The following ASAP1 variants were observed in gnomAD, a reference collection of about 807,000 sequenced individuals.
ASAP1 encodes the protein ArfGAP with SH3 domain, ankyrin repeat and PH domain 1.
Under a neutral mutation model 145.2 loss-of-function variants are expected in ASAP1, and 43 were observed. The ratio of observed to expected loss-of-function variants is 0.30; its 90% CI spans 0.23 to 0.38. The LOEUF (loss-of-function observed/expected upper bound fraction) is 0.38. ASAP1 is among the 10% of genes least tolerant of loss of function. The pLI is 1.00. For synonymous variants in ASAP1, 546 were observed against 515.5 expected (o/e 1.06, Z -0.80); for missense variants, 1,018 against 1,355.3 (o/e 0.75, Z 3.91).
intron 3 of ASAP1, among the ~76,000 whole-genome samples, chr8:130,264,749 G>C (rs1326367200): frequency 6.6e-6 from 1 of 152,104 alleles, no homozygotes; most frequent in Admixed American, 6.5e-5. Flanking sequence ...TTCCCTTCTA[G>C]AAACATGCCG....
chr8:130,343,205 T>C (rs1264174326), intron 3 of ASAP1, among the ~76,000 whole-genome samples: 1 of 152,102 alleles, frequency 6.6e-6, no homozygotes, highest in Admixed American at 6.6e-5. Flanking sequence ...TTAACAAACT[T>C]ATTTCCATGG....
In ASAP1 at chr8:130,423,200, T is replaced by C. The variant is rs1000436000; in HGVS notation, c.-28+20260A>G. On this transcript the variant is annotated intron_variant, in intron 1 of 29. Transcript: ENST00000518721. The stretch of plus-strand genomic sequence containing the variant: ...CTCACTGCAACCTCCAGCTCCCAGG[T>C]TCAAGCGATTCTCCTGCATCAGCCA... Among the ~76,000 whole-genome samples, 9 of 152,078 alleles carry C rather than the reference T, an allele frequency of 5.9e-5. 1 individual carries two copies. The highest frequency in any genetic ancestry group is 4.6e-4 in the Admixed American group (7 of 15,266).
chr8:130,123,320 C>T (rs2097569569), intron 18 of ASAP1, among the ~76,000 whole-genome samples: 1 of 152,176 alleles, frequency 6.6e-6, no homozygotes, highest in African/African-American at 2.4e-5. Context: ...TCAGTTTCCC[C>T]ACAGTCTTGC....
At chr8:130,388,059 T>C (rs1025814521) in intron 2 of ASAP1, among the ~76,000 whole-genome samples, 3 of 152,152 alleles carry the variant, frequency 2.0e-5, no homozygotes, top group Non-Finnish European at 2.9e-5. Flanking sequence ...TCTGAGGACA[T>C]AGCATTTAAG....
chr8:130,116,798 A>G, intron 21 of ASAP1, 53 bp from the exon 22 acceptor site: 1 of 1,593,576 alleles, frequency 6.3e-7, no homozygotes, highest in South Asian at 1.1e-5. Flanking sequence ...CACCTTAAGA[A>G]GGCAAGGAAC....
At chr8:130,117,556 A>G (rs1198119130) in intron 20 of ASAP1, among the ~76,000 whole-genome samples, 3 of 152,212 alleles carry the variant, frequency 2.0e-5, no homozygotes, top group African/African-American at 7.2e-5. Flanking sequence ...CCTCCTCATC[A>G]TCTGTTGCTT....
intron 27 of ASAP1, 82 bp from the exon 28 acceptor site, chr8:130,061,151 C>A: frequency 6.7e-7 from 1 of 1,496,098 alleles, no homozygotes. Context: ...GCACCATCAT[C>A]ATGAAGGGAA....
chr8:130,205,399 A>C (rs1257312599), intron 5 of ASAP1, among the ~76,000 whole-genome samples: 3 of 151,564 alleles, frequency 2.0e-5, no homozygotes, highest in South Asian at 2.1e-4. Context: ...AAAAAAAAAA[A>C]ACAAAAACCA....
At chr8:130,441,444 C>T (rs755406748) in intron 1 of ASAP1, among the ~76,000 whole-genome samples, 8 of 152,210 alleles carry the variant, frequency 5.3e-5, no homozygotes, top group Admixed American at 1.3e-4. Flanking sequence ...ATGCCAGATA[C>T]AGCAGTGGTT....
intron 3 of ASAP1, among the ~76,000 whole-genome samples, chr8:130,258,840 T>G (rs1819724022): frequency 6.6e-6 from 1 of 152,204 alleles, no homozygotes; most frequent in African/African-American, 2.4e-5. Flanking sequence ...GTTGACTGAT[T>G]TGCTGATTTC....
In ASAP1 at chr8:130,401,988, C is replaced by T. The variant is rs373645293; in HGVS notation, c.-27-18G>A. On this transcript the variant is annotated intron_variant, in intron 1 of 29. Transcript: ENST00000518721. Reference sequence around the variant, plus strand: ...AAAACGACCTGGATAGGGGGCAGGACAAAAAGGGGACAAGAGTCATCCGGT... The same window carrying T: ...AAAACGACCTGGATAGGGGGCAGGATAAAAAGGGGACAAGAGTCATCCGGT... 52 of 1,545,462 alleles carry T rather than the reference C, an allele frequency of 3.4e-5. No homozygotes were observed. The African/African-American group carries it at 5.8e-4, about 17-fold the overall frequency.
At chr8:130,276,757 CTCT>C (rs1478292722) in intron 3 of ASAP1, among the ~76,000 whole-genome samples, 62 of 150,720 alleles carry the variant, frequency 4.1e-4, no homozygotes, top group Non-Finnish European at 5.0e-4. Context: ...CTCTCTCTCT[CTCT>C]CCTCTAACAA....
chr8:130,071,007 GGGGGGAGA>G (rs2097444731), intron 27 of ASAP1, among the ~76,000 whole-genome samples: 2 of 4,618 alleles, frequency 4.3e-4, no homozygotes, highest in African/African-American at 4.5e-3. Context: ...GAGAGGGGAG[GGGGGGAGA>G]GAGAGAGAGA....
intron 3 of ASAP1, among the ~76,000 whole-genome samples, chr8:130,261,064 A>G (rs1437340480): frequency 6.6e-6 from 1 of 152,162 alleles, no homozygotes; most frequent in East Asian, 1.9e-4. Context: ...GAGGTCAATT[A>G]CTAGTCACAG....
chr8:130,185,618 A>G (rs934178255), intron 7 of ASAP1, among the ~76,000 whole-genome samples: 1 of 151,456 alleles, frequency 6.6e-6, no homozygotes, highest in African/African-American at 2.4e-5. Context: ...AATCCCAATT[A>G]CTCGGGAGGC....
chr8:130,381,236 G>A lies in ASAP1; in HGVS notation c.59+20649C>T, dbSNP rs571820697. Among the ~76,000 whole-genome samples the A allele has an allele frequency of 7.9e-5, 12 of 152,150 alleles. No individual in the cohort carries two copies. In the East Asian group the frequency reaches 1.4e-3, roughly 17 times the overall value. Reference sequence around the variant, plus strand: ...TAGAGAGGAGGTCTCACTGTGTTGCGCAGGTTGGTCTTAAACTCCTGGTCT... The same window carrying A: ...TAGAGAGGAGGTCTCACTGTGTTGCACAGGTTGGTCTTAAACTCCTGGTCT... On this transcript the variant is annotated intron_variant, in intron 2 of 29. Transcript: ENST00000518721.
intron 15 of ASAP1, among the ~76,000 whole-genome samples, chr8:130,130,388 T>A (rs2097581173): frequency 6.6e-6 from 1 of 152,162 alleles, no homozygotes; most frequent in Non-Finnish European, 1.5e-5. Flanking sequence ...CAGGAGCTCA[T>A]GACAAATAAA....
intron 1 of ASAP1, among the ~76,000 whole-genome samples, chr8:130,420,345 G>A (rs1829669763): frequency 6.6e-6 from 1 of 151,966 alleles, no homozygotes; most frequent in Admixed American, 6.6e-5. Context: ...GCTGGTGGGA[G>A]TGCAAAATGG....
chr8:130,349,763 G>A (rs192878341), intron 3 of ASAP1, among the ~76,000 whole-genome samples: 20 of 152,284 alleles, frequency 1.3e-4, no homozygotes, highest in African/African-American at 4.6e-4. Flanking sequence ...CACCCATAGG[G>A]ACATACTTTA....
Sources: allele counts gnomAD v4.1 joint callset (sites outside exome capture counted in the v4.1 genomes callset), GRCh38; gene constraint gnomAD v4.1.1; transcripts MANE v1.5; gene names NCBI Gene and HGNC (gene_info 2026-07-23, HGNC 2026-07-21).